KIF18A: variants seen among roughly 807,000 people sequenced by gnomAD.
KIF18A encodes kinesin-like protein KIF18A.
A neutral mutation model predicts 103.3 loss-of-function variants in KIF18A; 67 were observed. That is an observed-to-expected ratio of 0.65 (90% CI 0.53 to 0.79). The LOEUF (loss-of-function observed/expected upper bound fraction) is 0.79, where lower values mean the gene tolerates loss of function less well. KIF18A is among the 30% of genes least tolerant of loss of function. The pLI, the probability that KIF18A is intolerant of heterozygous loss-of-function variation, is 0.00. For synonymous variants in KIF18A, 367 were observed against 355.5 expected (o/e 1.03, Z -0.36); for missense variants, 1,032 against 1,062.5 (o/e 0.97, Z 0.40).
intron 2 of KIF18A, 64 bp from the exon 3 acceptor site, chr11:28,094,864 T>G: frequency 1.6e-5 from 22 of 1,397,922 alleles, no homozygotes; most frequent in Non-Finnish European, 2.0e-5. Flanking sequence ...ATATCTACTA[T>G]CTAGTGGATA....
intron 15 of KIF18A, among the ~76,000 whole-genome samples, chr11:28,033,738 T>C (rs1056394011): frequency 6.6e-6 from 1 of 151,556 alleles, no homozygotes; most frequent in Non-Finnish European, 1.5e-5. Flanking sequence ...TTGGGGAGGA[T>C]GGTTAATGGG....
intron 13 of KIF18A, among the ~76,000 whole-genome samples, chr11:28,052,248 T>A (rs1321414730): frequency 6.6e-6 from 1 of 152,056 alleles, no homozygotes; most frequent in African/African-American, 2.4e-5. Context: ...AAGAGCACAA[T>A]TGAGGTATGT....
At chr11:28,044,428 T>A (rs937500747) in intron 13 of KIF18A, among the ~76,000 whole-genome samples, 1 of 152,114 alleles carries the variant, frequency 6.6e-6, no homozygotes, top group Admixed American at 6.6e-5. Context: ...CTTTGTTTAA[T>A]AAGTCCAACC....
At chr11:28,064,994 T>TC (rs1850900493) in intron 11 of KIF18A, among the ~76,000 whole-genome samples, 3 of 152,054 alleles carry the variant, frequency 2.0e-5, no homozygotes, top group African/African-American at 7.2e-5. Flanking sequence ...TTTAAAAACT[T>TC]GCTTTGGTTG....
chr11:28,035,043 G>A (rs1850465928), intron 15 of KIF18A, among the ~76,000 whole-genome samples: 1 of 151,386 alleles, frequency 6.6e-6, no homozygotes, highest in East Asian at 1.9e-4. Flanking sequence ...GAAGAAATTT[G>A]GTAATGTTTA....
chr11:28,069,030 A>G (rs901437848), intron 11 of KIF18A, among the ~76,000 whole-genome samples: 2 of 152,208 alleles, frequency 1.3e-5, no homozygotes, highest in Non-Finnish European at 2.9e-5. Context: ...AATTACCTAC[A>G]TAATGAATCC....
Position 28,021,097 on chromosome 11 carries a change from G to T in KIF18A, c.*103C>A. 8.9e-7 allele frequency: 1 copy of T among 1,125,956 alleles called. No homozygotes were observed. 69.7% of individuals were successfully genotyped at this position (1,125,956 alleles called of 1,614,324 possible). On this transcript the variant is annotated 3_prime_UTR_variant, in exon 17 of 17. Coordinates refer to ENST00000263181, the MANE Select transcript of KIF18A (RefSeq NM_031217.4). ...AGTACTTGGGTAAACTTAGCTTTAA[G>T]ATGGGTCTTCTTTCAAAGATTTTAA...
chr11:28,028,991 T>A lies in KIF18A; in HGVS notation c.2505-5141A>T, dbSNP rs184496103. Among the ~76,000 whole-genome samples the A allele has an allele frequency of 9.9e-5, 15 of 152,234 alleles. No individual in the cohort carries two copies. In the East Asian group the frequency reaches 2.9e-3, roughly 29 times the overall value. ...AAGACTAAACCAGGACGAAGTTGAA[T>A]CTCTGAATAGACCAATAATAGGCTC... On this transcript the variant is annotated intron_variant, in intron 15 of 16. Transcript: ENST00000263181.
chr11:28,081,054 G>A (rs1851159323), intron 9 of KIF18A, among the ~76,000 whole-genome samples: 1 of 152,200 alleles, frequency 6.6e-6, no homozygotes, highest in Non-Finnish European at 1.5e-5. Context: ...TACAAAGGCT[G>A]AGAGAGGTGA....
chr11:28,070,740 T>C (rs540681637), intron 10 of KIF18A, among the ~76,000 whole-genome samples: 1 of 152,318 alleles, frequency 6.6e-6, no homozygotes, highest in East Asian at 1.9e-4. Flanking sequence ...ATGAGAATTG[T>C]GACAGAATGC....
chr11:28,097,026 T>G (rs1430955843), intron 2 of KIF18A, among the ~76,000 whole-genome samples: 1 of 152,066 alleles, frequency 6.6e-6, no homozygotes, highest in Non-Finnish European at 1.5e-5. Flanking sequence ...CTTTCCAATT[T>G]TTATTTTAGG....
chr11:28,025,648 C>T (rs964590617), intron 15 of KIF18A, among the ~76,000 whole-genome samples: 6 of 151,760 alleles, frequency 4.0e-5, no homozygotes, highest in African/African-American at 9.7e-5. Flanking sequence ...AACATGTTTA[C>T]GATTTAGTTA....
At chr11:28,060,988 G>T (rs1850850054) in intron 12 of KIF18A, among the ~76,000 whole-genome samples, 1 of 152,124 alleles carries the variant, frequency 6.6e-6, no homozygotes, top group African/African-American at 2.4e-5. Flanking sequence ...CAGACTTTGC[G>T]CCCTGTACCT....
At position 28,024,336 on chromosome 11, in the gene KIF18A, A is replaced by G. The variant is rs534061050; in HGVS notation, c.2505-486T>C. 3.0e-4 allele frequency among the ~76,000 whole-genome samples: 45 copies of G among 152,240 alleles called. 1 individual carries two copies. In the South Asian group the frequency reaches 7.9e-3, roughly 27 times the overall value. On this transcript the variant is annotated intron_variant, in intron 15 of 16. Coordinates refer to ENST00000263181, the MANE Select transcript of KIF18A (RefSeq NM_031217.4). ...ACAATAAAAATCTCTAATTATTACA[A>G]TCACAGAAACTGAAATAAAAAGAAT...
chr11:28,071,769 A>G (rs1232272238), intron 10 of KIF18A, among the ~76,000 whole-genome samples: 1 of 152,160 alleles, frequency 6.6e-6, no homozygotes, highest in African/African-American at 2.4e-5. Context: ...AGCAGATGTA[A>G]AAATTTAGGC....
At chr11:28,103,878 A>C (rs1480153838) in intron 1 of KIF18A, among the ~76,000 whole-genome samples, 1 of 152,182 alleles carries the variant, frequency 6.6e-6, no homozygotes. Flanking sequence ...TTGTTTAGAA[A>C]ATTAAAGAAA....
intron 11 of KIF18A, among the ~76,000 whole-genome samples, chr11:28,063,918 C>T (rs1198871873): frequency 6.6e-6 from 1 of 151,674 alleles, no homozygotes; most frequent in African/African-American, 2.4e-5. Flanking sequence ...TTTAATAAAA[C>T]TCCTTTCCAA....
intron 16 of KIF18A, among the ~76,000 whole-genome samples, chr11:28,022,499 C>G (rs982934607): frequency 2.0e-5 from 3 of 152,068 alleles, no homozygotes; most frequent in Non-Finnish European, 4.4e-5. Flanking sequence ...GATCTCCTGA[C>G]CTCGTGATCC....
chr11:28,098,167 T>C (rs1245395283), intron 1 of KIF18A, among the ~76,000 whole-genome samples, 174 bp from the exon 2 acceptor site: 1 of 151,900 alleles, frequency 6.6e-6, no homozygotes. Flanking sequence ...CACACAAATA[T>C]ATGCACACAT....
Sources: gnomAD v4.1 joint callset for allele counts (sites outside exome capture counted in the v4.1 genomes callset) on GRCh38, gnomAD v4.1.1 for gene constraint, MANE v1.5 for transcripts, NCBI Gene and HGNC (gene_info 2026-07-23, HGNC 2026-07-21) for gene names.